Variants in IRS2 observed in about 807,000 individuals in gnomAD.
IRS2 encodes the protein insulin receptor substrate 2.
Under a neutral mutation model 70.9 loss-of-function variants are expected in IRS2, and 28 were observed. That is an observed-to-expected ratio of 0.39 (90% CI 0.29 to 0.54). IRS2 has a LOEUF of 0.54. Among genes scored for constraint, IRS2 ranks in the 20% least tolerant of loss-of-function variants. The probability of loss-of-function intolerance (pLI) is 0.59; values close to 1 mark genes in which losing one functional copy is unlikely to be tolerated. For missense variants in IRS2, 2,081 were observed against 2,024.1 expected (o/e 1.03, Z -0.54); for synonymous variants, 1,217 against 981.9 (o/e 1.24, Z -4.48).
At chr13:109,782,014 C>T (rs570854156) in intron 1 of IRS2, 28 bp downstream of exon 1, 1 of 1,610,046 alleles carries the variant, frequency 6.2e-7, no homozygotes, top group South Asian at 1.1e-5. Context: ...TCCTTCCCGC[C>T]AGACGCCAAG....
intron 1 of IRS2, among the ~76,000 whole-genome samples, chr13:109,764,833 GCAAATTGCTCCTAAAATAAAATGAA>G (rs988450597): frequency 2.6e-5 from 4 of 152,194 alleles, no homozygotes; most frequent in African/African-American, 9.7e-5. Context: ...AAAAACAATG[GCAAATTGCTCCTAAAATAAAATGAA>G]CAAACTTGTT....
At chr13:109,778,795 C>T (rs1877634791) in intron 1 of IRS2, among the ~76,000 whole-genome samples, 1 of 152,128 alleles carries the variant, frequency 6.6e-6, no homozygotes, top group Admixed American at 6.5e-5. Context: ...TATATATACG[C>T]CAATTTTAGA....
rs566134412 is a variant in IRS2 at position 109,757,996 on chromosome 13, T to A, written c.4013-1688A>T. 2.0e-5 allele frequency among the ~76,000 whole-genome samples: 3 copies of A among 152,334 alleles called. No homozygotes were observed. In the South Asian group the frequency reaches 6.2e-4, roughly 32 times the overall value. On this transcript the variant is annotated intron_variant, in intron 1 of 1. Coordinates refer to ENST00000375856, the MANE Select transcript of IRS2 (RefSeq NM_003749.3). ...TGCGGCCGGCCTATCTTGTTATTTT[T>A]AAAAAGCTTTATGTCCATTATAAAT...
chr13:109,785,421 C>A lies in IRS2; in HGVS notation c.633G>T (p.Lys211Asn). Residue 211 changes from lysine (K) to asparagine (N), a missense_variant, in exon 1 of 2, where the codon AAG (lysine) becomes AAT (asparagine). Physicochemically the swap from Lys to Asn is moderately conservative, Grantham distance 94. Transcript: ENST00000375856. This position sits in a 1 kb window ranked among gnomAD's most constrained non-coding sequence, Gnocchi z 9.3. ...ACAGACGGTACACCCCCGTCAGGTT[C>A]TTGCTCTGGCCCAGACCCTTGGGCT... ...NLKPKGLGQSKNLTGVYRLCL... is the reference protein window; with the variant it reads ...NLKPKGLGQSNNLTGVYRLCL... 6.2e-7 allele frequency: 1 copy of A among 1,612,392 alleles called. No individual in the cohort carries two copies. Among genetic ancestry groups the A allele is most frequent in the Non-Finnish European group, 8.5e-7 (1 of 1,179,868 alleles).
At chr13:109,773,048 A>G (rs998196244) in intron 1 of IRS2, among the ~76,000 whole-genome samples, 29 of 152,176 alleles carry the variant, frequency 1.9e-4, no homozygotes, top group Non-Finnish European at 3.5e-4. Flanking sequence ...TGTGTTTGCT[A>G]AAGTGTTTCT....
At position 109,782,708 on chromosome 13, in the gene IRS2, C is replaced by T. The variant is rs1401496084; in HGVS notation, c.3346G>A (p.Gly1116Arg). The change falls in exon 1 of 2, where the codon GGA becomes AGA. Residue 1116 changes from glycine to arginine, a missense_variant. Physicochemically the swap from Gly to Arg is moderately radical, Grantham distance 125 (BLOSUM62 -2). Around this residue, in one of 4 missense-constraint regions of IRS2, gnomAD observed 1,615 missense variants for 1,459.5 expected, o/e 1.11. Transcript: ENST00000375856. ...KRLSLMEQVS[G>R]VEAFLQASQP... ...CTGGCCTGCAGGAAGGCCTCGACTCCCGACACCTGCTCCATGAGGCTCAGC... is the reference window on the plus strand; with the variant it reads ...CTGGCCTGCAGGAAGGCCTCGACTCTCGACACCTGCTCCATGAGGCTCAGC... 1 of 1,591,514 alleles carries T rather than the reference C, an allele frequency of 6.3e-7. No individual in the cohort carries two copies. The highest frequency in any genetic ancestry group is 8.5e-7 in the Non-Finnish European group (1 of 1,170,246).
In IRS2 at chr13:109,782,482, C is replaced by A; in HGVS notation, c.3572G>T (p.Gly1191Val). The A allele has an allele frequency of 6.4e-7, 1 of 1,556,600 alleles. No homozygotes were observed. Among genetic ancestry groups the A allele is most frequent in the South Asian group, 1.2e-5 (1 of 86,062 alleles). The part of the protein sequence containing the change: ...SLRKSSEGGV[G>V]VGPGGGDEPP... ...CTCGTCGCCCCCTCCAGGGCCGACA[C>A]CCACGCCGCCCTCGCTGCTTTTCCT... Residue 1191 changes from glycine (G) to valine (V), a missense_variant, in exon 1 of 2, where the codon GGT (glycine) becomes GTT (valine). Transcript: ENST00000375856.
chr13:109,769,169 G>A (rs1458905285), intron 1 of IRS2, among the ~76,000 whole-genome samples: 2 of 152,148 alleles, frequency 1.3e-5, no homozygotes, highest in African/African-American at 4.8e-5. Context: ...TTTTGAGGAA[G>A]AAATTCGAGT....
At position 109,784,628 on chromosome 13, in the gene IRS2, C is replaced by A; in HGVS notation, c.1426G>T (p.Gly476Cys). Reference protein sequence around the residue: ...HPPLPHPLHHGPGQRPSSGSA... With the variant: ...HPPLPHPLHHCPGQRPSSGSA... The stretch of plus-strand genomic sequence containing the variant: ...CCGCTGGAGGGCCGCTGGCCGGGGC[C>A]GTGGTGCAGCGGATGCGGCAGAGGC... Residue 476 changes from glycine to cysteine, a missense_variant, in exon 1 of 2, where the codon GGC becomes TGC. Physicochemically the swap from Gly to Cys is radical, Grantham distance 159. This residue lies in a region of IRS2 where 1,615 missense variants were observed against 1,459.5 expected (regional missense o/e 1.11). Coordinates refer to ENST00000375856, the MANE Select transcript of IRS2 (RefSeq NM_003749.3). This position sits in a 1 kb window ranked among gnomAD's most constrained non-coding sequence, Gnocchi z 5.2. 7.6e-7 allele frequency: 1 copy of A among 1,320,028 alleles called. No individual in the cohort carries two copies. The highest frequency in any genetic ancestry group is 3.1e-5 in the East Asian group (1 of 32,220). 81.8% of individuals were successfully genotyped at this position (1,320,028 alleles called of 1,614,324 possible).
chr13:109,760,219 C>T (rs1178756298), intron 1 of IRS2, among the ~76,000 whole-genome samples: 1 of 152,148 alleles, frequency 6.6e-6, no homozygotes, highest in Admixed American at 6.5e-5. Flanking sequence ...TGAATATTCA[C>T]TAAGAAGGAA....
intron 1 of IRS2, among the ~76,000 whole-genome samples, chr13:109,763,533 T>C (rs916371608): frequency 6.6e-6 from 1 of 152,090 alleles, no homozygotes; most frequent in African/African-American, 2.4e-5. Flanking sequence ...AAGGTTTATA[T>C]ATGAGATCTA....
Position 109,784,129 on chromosome 13 carries a change from C to T in IRS2, c.1925G>A (p.Ser642Asn), listed in dbSNP as rs1594391391. 2 of 1,594,434 alleles carry T rather than the reference C, an allele frequency of 1.3e-6. No homozygotes were observed. The highest frequency in any genetic ancestry group is 1.7e-6 in the Non-Finnish European group (2 of 1,177,186). ...YGDIEIGSHR[S>N]SSSNLGADDG... ...GTCTGCCCCCAGGTTGCTGCTGGAGCTCCTGTGGGAGCCGATCTCGATGTC... is the reference window on the plus strand; with the variant it reads ...GTCTGCCCCCAGGTTGCTGCTGGAGTTCCTGTGGGAGCCGATCTCGATGTC... The change falls in exon 1 of 2, where the codon AGC (serine) becomes AAC (asparagine). Residue 642 changes from serine (S) to asparagine (N), a missense_variant. Around this residue, in one of 4 missense-constraint regions of IRS2, gnomAD observed 1,615 missense variants for 1,459.5 expected, o/e 1.11. Transcript: ENST00000375856. This position sits in a 1 kb window ranked among gnomAD's most constrained non-coding sequence, Gnocchi z 5.2.
chr13:109,781,951 C>G (rs376855461), intron 1 of IRS2, 91 bp downstream of exon 1: 2 of 1,438,840 alleles, frequency 1.4e-6, no homozygotes. Flanking sequence ...GGGTCAAGGT[C>G]CCCAAAAAGT....
At position 109,782,766 on chromosome 13, in the gene IRS2, G is replaced by A. The variant is rs2138930636; in HGVS notation, c.3288C>T (p.Ala1096=). ...PIAAPPKPEA[A]RVASPTSGVK... ...CGCCCGACGTCGGGCTGGCCACGCGGGCAGCTTCTGGCTTCGGGGGGGCCG... is the reference window on the plus strand; with the variant it reads ...CGCCCGACGTCGGGCTGGCCACGCGAGCAGCTTCTGGCTTCGGGGGGGCCG... Residue 1096 remains alanine (A), a synonymous_variant, in exon 1 of 2, where the codon GCC becomes GCT. Coordinates refer to ENST00000375856, the MANE Select transcript of IRS2 (RefSeq NM_003749.3). The A allele has an allele frequency of 6.2e-7, 1 of 1,602,880 alleles. No homozygotes were observed. Among genetic ancestry groups the A allele is most frequent in the Non-Finnish European group, 8.5e-7 (1 of 1,175,368 alleles).
In IRS2 at chr13:109,755,041, C is replaced by T. The variant is rs926269865; in HGVS notation, c.*1263G>A. ...GTTCAGCAGTTTTAGGTAACATCTG[C>T]GAGAACTGCCACACACTGGTATTTT... On this transcript the variant is annotated 3_prime_UTR_variant, in exon 2 of 2. Coordinates refer to ENST00000375856, the MANE Select transcript of IRS2 (RefSeq NM_003749.3). 4.4e-6 allele frequency: 1 copy of T among 227,312 alleles called. No homozygotes were observed. The highest frequency in any genetic ancestry group is 8.7e-6 in the Non-Finnish European group (1 of 114,352). The allele number at this position is 227,312 out of a possible 1,614,324, so 14.1% of individuals were successfully genotyped here.
chr13:109,781,469 CCA>C (rs1877696123), intron 1 of IRS2, among the ~76,000 whole-genome samples: 4 of 152,300 alleles, frequency 2.6e-5, no homozygotes, highest in Middle Eastern at 3.4e-3. Flanking sequence ...GGAAAAGCTC[CCA>C]CAGTTTGTGT....
intron 1 of IRS2, among the ~76,000 whole-genome samples, chr13:109,780,101 C>G (rs555312183): frequency 6.6e-6 from 1 of 152,294 alleles, no homozygotes; most frequent in South Asian, 2.1e-4. Context: ...CCCAGCTCCA[C>G]CCAGTCCAGG....
intron 1 of IRS2, 31 bp downstream of exon 1, chr13:109,782,011 C>A: frequency 3.1e-6 from 5 of 1,608,746 alleles, no homozygotes; most frequent in Non-Finnish European, 4.2e-6. Flanking sequence ...CCCTCCTTCC[C>A]GCCAGACGCC....
At chr13:109,766,661 C>G (rs1322149367) in intron 1 of IRS2, among the ~76,000 whole-genome samples, 1 of 43,418 alleles carries the variant, frequency 2.3e-5, no homozygotes, top group African/African-American at 5.3e-5. Context: ...GCCTCATCCA[C>G]CCTGACTCCA....
Sources: gnomAD v4.1 joint callset for allele counts (sites outside exome capture counted in the v4.1 genomes callset) on GRCh38, gnomAD v4.1.1 for gene constraint, gnomAD v4.1.1 regional missense constraint, Gnocchi (gnomAD v3.1) non-coding constraint, MANE v1.5 for transcripts, NCBI Gene and HGNC (gene_info 2026-07-23, HGNC 2026-07-21) for gene names.